OCA2: variants seen among roughly 807,000 people sequenced by gnomAD.
The protein encoded by OCA2 is OCA2 melanosomal transmembrane protein.
In OCA2, 77 loss-of-function variants were observed where a neutral mutation model predicts 100.2. That is an observed-to-expected ratio of 0.77 (90% CI 0.64 to 0.93). OCA2 has a LOEUF of 0.93. OCA2 is among the 40% of genes least tolerant of loss of function. The pLI, the probability that OCA2 is intolerant of heterozygous loss-of-function variation, is 0.00. For missense variants in OCA2, 1,062 were observed against 1,089.1 expected (o/e 0.98, Z 0.35); for synonymous variants, 432 against 439.2 (o/e 0.98, Z 0.21).
chr15:27,846,982 T>C (rs1427401963), intron 22 of OCA2, among the ~76,000 whole-genome samples: 1 of 152,094 alleles, frequency 6.6e-6, no homozygotes, highest in East Asian at 1.9e-4. Context: ...CCACCCATCT[T>C]CTCAGGAGTG....
At chr15:27,930,805 C>T (rs2039222505) in intron 18 of OCA2, among the ~76,000 whole-genome samples, 1 of 151,768 alleles carries the variant, frequency 6.6e-6, no homozygotes, top group African/African-American at 2.4e-5. Context: ...TCTGACACTT[C>T]ATCTCTAAAC....
At chr15:27,735,671 A>G in the OCA2 span, among the ~76,000 whole-genome samples, 1 of 152,204 alleles carries the variant, frequency 6.6e-6, no homozygotes, top group Non-Finnish European at 1.5e-5. Context: ...CAGATTTCTC[A>G]GCAGAAACCT....
intron 23 of OCA2, among the ~76,000 whole-genome samples, chr15:27,834,479 G>A (rs1027288261): frequency 5.9e-5 from 9 of 152,178 alleles, no homozygotes; most frequent in South Asian, 2.1e-4. Context: ...TCATTGCAGC[G>A]AACTATTGAA....
At chr15:28,088,488 A>C (rs1032594422) in intron 1 of OCA2, among the ~76,000 whole-genome samples, 1 of 152,228 alleles carries the variant, frequency 6.6e-6, no homozygotes, top group Non-Finnish European at 1.5e-5. Context: ...AAGAAACATT[A>C]TGGATAAATT....
chr15:27,808,602 G>A (rs115755277), intron 23 of OCA2, among the ~76,000 whole-genome samples: 5 of 152,244 alleles, frequency 3.3e-5, no homozygotes, highest in East Asian at 1.9e-4. Flanking sequence ...TCTATGACTC[G>A]GAGGTTTCCA....
At chr15:27,823,396 CGATTATAGT>C (rs112879275) in intron 23 of OCA2, among the ~76,000 whole-genome samples, 75,409 of 151,388 alleles carry the variant, frequency 0.5, 19,380 homozygotes, top group South Asian at 0.76. Flanking sequence ...AGTCATATGC[CGATTATAGT>C]GATTATGTTA....
At chr15:27,824,617 T>TATATATATATAATATAATATA (rs1020369750) in intron 23 of OCA2, among the ~76,000 whole-genome samples, 1 of 130,128 alleles carries the variant, frequency 7.7e-6, no homozygotes, top group African/African-American at 3.0e-5. Context: ...TATATATATA[T>TATATATATATAATATAATATA]ATATAATATA....
At chr15:27,902,207 G>A (rs2037967693) in intron 19 of OCA2, among the ~76,000 whole-genome samples, 1 of 117,766 alleles carries the variant, frequency 8.5e-6, no homozygotes, top group Non-Finnish European at 1.6e-5. Context: ...AAAAAAAGTT[G>A]TTGTTGTTGT....
intron 23 of OCA2, among the ~76,000 whole-genome samples, chr15:27,822,922 A>T (rs2034559290): frequency 1.3e-5 from 2 of 152,170 alleles, no homozygotes; most frequent in South Asian, 4.1e-4. Flanking sequence ...TTTACTCTTC[A>T]GTGCTTTTGG....
intron 19 of OCA2, among the ~76,000 whole-genome samples, chr15:27,914,568 A>G (rs1253356181): frequency 6.6e-6 from 1 of 152,118 alleles, no homozygotes; most frequent in Non-Finnish European, 1.5e-5. Context: ...AACACCAACA[A>G]CATTCAAGCT....
At chr15:27,907,526 T>G (rs2038223748) in intron 19 of OCA2, among the ~76,000 whole-genome samples, 2 of 152,038 alleles carry the variant, frequency 1.3e-5, no homozygotes, top group African/African-American at 4.8e-5. Context: ...ATTAATGACA[T>G]GGAGAATATA....
chr15:28,087,970 G>C (rs191307691), intron 1 of OCA2, among the ~76,000 whole-genome samples: 3 of 152,058 alleles, frequency 2.0e-5, no homozygotes, highest in Admixed American at 2.0e-4. Flanking sequence ...GCTGAGGCAG[G>C]ATAATCATTT....
At chr15:27,893,807 C>G (rs1595590774) in intron 19 of OCA2, among the ~76,000 whole-genome samples, 1 of 152,310 alleles carries the variant, frequency 6.6e-6, no homozygotes, top group South Asian at 2.1e-4. Context: ...AACATAGACC[C>G]TTATCAGTGG....
intron 23 of OCA2, among the ~76,000 whole-genome samples, chr15:27,830,348 C>G (rs2151309955): frequency 6.6e-6 from 1 of 152,234 alleles, no homozygotes; most frequent in South Asian, 2.1e-4. Context: ...GAGCTGCATC[C>G]ATGTCGCACC....
the OCA2 span, among the ~76,000 whole-genome samples, chr15:27,747,750 A>T: frequency 2.7e-4 from 6 of 22,030 alleles, no homozygotes; most frequent in Non-Finnish European, 7.8e-4. Context: ...AATATCTATT[A>T]AAAAAAATGA....
At chr15:27,737,332 G>T in the OCA2 span, among the ~76,000 whole-genome samples, 1 of 152,162 alleles carries the variant, frequency 6.6e-6, no homozygotes, top group East Asian at 1.9e-4. Context: ...TTATGAAAAT[G>T]AAAAAGGCAA....
At chr15:28,067,151 G>A (rs2044048436) in intron 2 of OCA2, among the ~76,000 whole-genome samples, 1 of 152,160 alleles carries the variant, frequency 6.6e-6, no homozygotes, top group Non-Finnish European at 1.5e-5. Context: ...ATTTTACAGT[G>A]TTTGACTTTT....
intron 19 of OCA2, among the ~76,000 whole-genome samples, chr15:27,907,521 T>A (rs1347491399): frequency 6.6e-6 from 1 of 151,978 alleles, no homozygotes; most frequent in East Asian, 1.9e-4. Context: ...CAGAAATTAA[T>A]GACATGGAGA....
intron 2 of OCA2, among the ~76,000 whole-genome samples, chr15:28,070,329 C>CT (rs2044201902): frequency 4.2e-5 from 6 of 141,458 alleles, no homozygotes; most frequent in South Asian, 4.7e-4. Flanking sequence ...GTCAGCCCCC[C>CT]GCCCGGCCAG....
Sources: allele counts gnomAD v4.1 joint callset (sites outside exome capture counted in the v4.1 genomes callset), GRCh38; gene constraint gnomAD v4.1.1; transcripts MANE v1.5; gene names NCBI Gene and HGNC (gene_info 2026-07-23, HGNC 2026-07-21).